Variants in GPAT4 observed in about 807,000 individuals in gnomAD.
GPAT4 encodes 1-AGP acyltransferase 6.
GPAT4 carries 17 observed loss-of-function variants against 58.0 expected under a neutral mutation model. The observed-to-expected ratio is 0.29, with a 90% confidence interval of 0.20 to 0.44. The LOEUF (loss-of-function observed/expected upper bound fraction) is 0.44, where lower values mean the gene tolerates loss of function less well. GPAT4 is among the 20% of genes least tolerant of loss of function. The pLI, the probability that GPAT4 is intolerant of heterozygous loss-of-function variation, is 1.00. For synonymous variants in GPAT4, 204 were observed against 210.1 expected (o/e 0.97, Z 0.25); for missense variants, 377 against 574.5 (o/e 0.66, Z 3.51).
intron 1 of GPAT4, among the ~76,000 whole-genome samples, chr8:41,593,195 C>T (rs1040776055): frequency 4.6e-5 from 7 of 152,116 alleles, no homozygotes; most frequent in South Asian, 2.1e-4. Context: ...GTATCACTTA[C>T]GAGTCCCCAC....
intron 1 of GPAT4, among the ~76,000 whole-genome samples, chr8:41,580,239 T>C (rs1186089003): frequency 6.6e-6 from 1 of 152,226 alleles, no homozygotes; most frequent in East Asian, 1.9e-4. Flanking sequence ...ACCTTAGAAG[T>C]GGTATACCAG....
chr8:41,613,094 A>G, intron 8 of GPAT4, 134 bp downstream of exon 8: 2 of 730,876 alleles, frequency 2.7e-6, no homozygotes, highest in South Asian at 4.8e-5. Context: ...ATTTTTTCCT[A>G]AAACATGAAA....
chr8:41,615,475 C>T (rs889986416), intron 10 of GPAT4, among the ~76,000 whole-genome samples: 1 of 152,082 alleles, frequency 6.6e-6, no homozygotes, highest in East Asian at 1.9e-4. Context: ...TTACTCCAGC[C>T]CAGTGGGAGA....
intron 7 of GPAT4, 76 bp downstream of exon 7, chr8:41,612,349 C>T (rs962001359): frequency 1.4e-6 from 2 of 1,452,218 alleles, no homozygotes; most frequent in South Asian, 1.2e-5. Flanking sequence ...GGCTCCTGGA[C>T]CCTTCACATA....
intron 1 of GPAT4, among the ~76,000 whole-genome samples, chr8:41,595,766 C>G (rs541888881): frequency 6.6e-6 from 1 of 152,110 alleles, no homozygotes; most frequent in Non-Finnish European, 1.5e-5. Flanking sequence ...CTCTCTGCCT[C>G]TCTCCCTCCT....
chr8:41,581,100 T>C (rs573614517), intron 1 of GPAT4, among the ~76,000 whole-genome samples: 1 of 152,268 alleles, frequency 6.6e-6, no homozygotes, highest in Non-Finnish European at 1.5e-5. Flanking sequence ...TGTGTCATTG[T>C]GCTCATGGAG....
intron 2 of GPAT4, among the ~76,000 whole-genome samples, chr8:41,599,541 T>C (rs994472859): frequency 3.9e-5 from 6 of 152,216 alleles, no homozygotes; most frequent in Non-Finnish European, 5.9e-5. Flanking sequence ...GCCTGTTTAT[T>C]TCAAAGAGAA....
intron 1 of GPAT4, among the ~76,000 whole-genome samples, chr8:41,595,458 G>A (rs1585656656): frequency 6.7e-6 from 1 of 148,478 alleles, no homozygotes; most frequent in East Asian, 2.1e-4. Context: ...ACTACAGATT[G>A]AATGCTTTTG....
At chr8:41,613,144 C>T (rs577221050) in intron 8 of GPAT4, among the ~76,000 whole-genome samples, 184 bp downstream of exon 8, 1 of 152,104 alleles carries the variant, frequency 6.6e-6, no homozygotes, top group Non-Finnish European at 1.5e-5. Flanking sequence ...TGCCTGTAAT[C>T]CCAGCAGTTT....
At chr8:41,610,105 C>T in intron 4 of GPAT4, 150 bp downstream of exon 4, 4 of 1,452,652 alleles carry the variant, frequency 2.8e-6, no homozygotes, top group Non-Finnish European at 3.6e-6. Context: ...GAGGGATACA[C>T]TGGTGATTCT....
At chr8:41,601,442 T>A (rs1384513227) in intron 2 of GPAT4, among the ~76,000 whole-genome samples, 6 of 152,230 alleles carry the variant, frequency 3.9e-5, no homozygotes, top group African/African-American at 1.2e-4. Flanking sequence ...GCGGATGGTA[T>A]AACTTACACC....
intron 1 of GPAT4, among the ~76,000 whole-genome samples, chr8:41,590,256 T>G (rs1250844103): frequency 6.6e-6 from 1 of 152,148 alleles, no homozygotes; most frequent in Non-Finnish European, 1.5e-5. Flanking sequence ...TTGGCTAATT[T>G]TTGTATTTTT....
intron 1 of GPAT4, among the ~76,000 whole-genome samples, chr8:41,587,121 A>G (rs1170850857): frequency 6.6e-6 from 1 of 152,208 alleles, no homozygotes; most frequent in Non-Finnish European, 1.5e-5. Context: ...GTTTTTACTA[A>G]TGCATTTACA....
At chr8:41,608,295 C>T (rs1021911052) in intron 2 of GPAT4, among the ~76,000 whole-genome samples, 1 of 152,248 alleles carries the variant, frequency 6.6e-6, no homozygotes, top group African/African-American at 2.4e-5. Flanking sequence ...GCAGAACCCG[C>T]ACCATGTGCC....
Position 41,611,958 on chromosome 8 carries a change from C to CGAG in GPAT4, c.668_670dup (p.Arg223_Ala224insGly), listed in dbSNP as rs1375453447. The CGAG allele has an allele frequency of 1.2e-6, 2 of 1,614,046 alleles. No individual in the cohort carries two copies. The highest frequency in any genetic ancestry group is 2.7e-5 in the African/African-American group (2 of 74,922). On this transcript the variant is annotated inframe_insertion, in exon 6 of 13. Transcript: ENST00000396987. ...CTTAATGTGTTACCGGATCTGCGTG[C>CGAG]GAGCGCTGACAGCCATCATCACCTA...
chr8:41,586,842 C>T (rs568703067), intron 1 of GPAT4, among the ~76,000 whole-genome samples: 3 of 152,154 alleles, frequency 2.0e-5, no homozygotes, highest in Non-Finnish European at 4.4e-5. Flanking sequence ...TGGTAAGAAC[C>T]CTTAACCCAG....
At chr8:41,592,977 A>G (rs2150487292) in intron 1 of GPAT4, among the ~76,000 whole-genome samples, 1 of 152,244 alleles carries the variant, frequency 6.6e-6, no homozygotes, top group South Asian at 2.1e-4. Context: ...ACGTGGCCCA[A>G]ATGACACAAG....
intron 10 of GPAT4, among the ~76,000 whole-genome samples, chr8:41,617,472 A>G (rs568989722): frequency 5.3e-5 from 8 of 152,372 alleles, no homozygotes; most frequent in Admixed American, 3.3e-4. Context: ...TGTTGGTATT[A>G]TAATAACACA....
At chr8:41,588,981 CTGAA>C (rs1353503407) in intron 1 of GPAT4, among the ~76,000 whole-genome samples, 5 of 152,210 alleles carry the variant, frequency 3.3e-5, no homozygotes, top group Admixed American at 6.5e-5. Flanking sequence ...GAATATTCCT[CTGAA>C]TGAATGGCTT....
Sources: gnomAD v4.1 joint callset for allele counts (sites outside exome capture counted in the v4.1 genomes callset) on GRCh38, gnomAD v4.1.1 for gene constraint, MANE v1.5 for transcripts, NCBI Gene and HGNC (gene_info 2026-07-23, HGNC 2026-07-21) for gene names.